Variants in SLC26A11 observed in about 807,000 individuals in gnomAD.
SLC26A11 encodes sodium-independent sulfate anion transporter.
Under a neutral mutation model 62.2 loss-of-function variants are expected in SLC26A11, and 58 were observed. The observed-to-expected ratio is 0.93, with a 90% confidence interval of 0.76 to 1.16. The LOEUF (loss-of-function observed/expected upper bound fraction) is 1.16, where lower values mean the gene tolerates loss of function less well. Ranked by LOEUF, SLC26A11 falls within the 50% of genes most tolerant of loss-of-function variation. The pLI is 0.00. For synonymous variants in SLC26A11, 411 were observed against 368.9 expected (o/e 1.11, Z -1.31); for missense variants, 790 against 794.3 (o/e 0.99, Z 0.06).
In SLC26A11 at chr17:80,222,591, C is replaced by A; in HGVS notation, c.235-64C>A. 1 of 1,526,540 alleles carries A rather than the reference C, an allele frequency of 6.6e-7. No individual in the cohort carries two copies. The highest frequency in any genetic ancestry group is 9.0e-7 in the Non-Finnish European group (1 of 1,114,576). The allele number at this position is 1,526,540 out of a possible 1,614,324, so 94.6% of individuals were successfully genotyped here. A position where few individuals can be genotyped will look rare whatever the true frequency, so the allele number is the denominator to read the frequency against. ...CCCACACATCCCGAGCTTGGACACG[C>A]ACACTAGGGAGCTGGTGGATGGGCC... On this transcript the variant is annotated intron_variant, in intron 3 of 17. Coordinates refer to ENST00000361193, the MANE Select transcript of SLC26A11 (RefSeq NM_001166347.2). This position sits in a 1 kb window ranked among gnomAD's most constrained non-coding sequence, Gnocchi z 4.7.
chr17:80,246,592 A>G lies in SLC26A11; in HGVS notation c.1237A>G (p.Met413Val), dbSNP rs756061144. The change falls in exon 13 of 18, where the codon ATG becomes GTG. Residue 413 changes from methionine to valine, a missense_variant. Coordinates refer to ENST00000361193, the MANE Select transcript of SLC26A11 (RefSeq NM_001166347.2). This position sits in a 1 kb window ranked among gnomAD's most constrained non-coding sequence, Gnocchi z 4.4. The part of the protein sequence containing the change: ...PKSALAAVII[M>V]AVAPLFDTKI... ...GTCTGCCCTGGCTGCCGTCATCATC[A>G]TGGCCGTGGCCCCGCTGTTCGACAC... The G allele has an allele frequency of 1.2e-5, 20 of 1,613,842 alleles. No homozygotes were observed. The highest frequency in any genetic ancestry group is 1.0e-4 in the Admixed American group (6 of 59,994).
chr17:80,243,944 T>G (rs1196744271), intron 10 of SLC26A11, among the ~76,000 whole-genome samples: 1 of 152,228 alleles, frequency 6.6e-6, no homozygotes, highest in Non-Finnish European at 1.5e-5. Flanking sequence ...CAGCCCAAGC[T>G]GCTGTAGAAT....
chr17:80,224,208 TGA>T (rs201281975), intron 5 of SLC26A11, among the ~76,000 whole-genome samples: 7,522 of 150,970 alleles, frequency 0.05, 237 homozygotes, highest in Non-Finnish European at 0.068. Flanking sequence ...TGTGAGTGTG[TGA>T]ATGAGTGAGT....
Position 80,246,853 on chromosome 17 carries a change from G to T in SLC26A11, c.1294+204G>T, listed in dbSNP as rs537393519. On this transcript the variant is annotated intron_variant, in intron 13 of 17. Coordinates refer to ENST00000361193, the MANE Select transcript of SLC26A11 (RefSeq NM_001166347.2). The surrounding 1 kb of genome is among the most constrained non-coding windows in gnomAD (Gnocchi z 4.4). ...TCAGTGGGAAGAGCTGGAGCTCCTT[G>T]TCCTGACACCTGGGGTCTTGAGGCG... 6.6e-6 allele frequency among the ~76,000 whole-genome samples: 1 copy of T among 152,232 alleles called. No homozygotes were observed. The highest frequency in any genetic ancestry group is 1.9e-4 in the East Asian group (1 of 5,158).
Position 80,237,047 on chromosome 17 carries a change from C to G in SLC26A11, c.856C>G (p.Pro286Ala). Residue 286 changes from proline to alanine, a missense_variant, in exon 8 of 18, where the codon CCG becomes GCG. Coordinates refer to ENST00000361193, the MANE Select transcript of SLC26A11 (RefSeq NM_001166347.2). ...TGAGGGGCTCCCTCCAGTCCGGATCCCGCCCTTCTCAGTGACCACAGCCAA... is the reference window on the plus strand; with the variant it reads ...TGAGGGGCTCCCTCCAGTCCGGATCGCGCCCTTCTCAGTGACCACAGCCAA... ...TAEGLPPVRI[P>A]PFSVTTANGT... 6.2e-7 allele frequency: 1 copy of G among 1,614,028 alleles called. No individual in the cohort carries two copies. The highest frequency in any genetic ancestry group is 1.3e-5 in the African/African-American group (1 of 75,042).
intron 16 of SLC26A11, among the ~76,000 whole-genome samples, chr17:80,250,696 G>A (rs1164284434): frequency 6.6e-6 from 1 of 151,918 alleles, no homozygotes; most frequent in Non-Finnish European, 1.5e-5. Flanking sequence ...GCATGGTGGC[G>A]CACGCCTGTA....
At chr17:80,248,388 G>T in intron 14 of SLC26A11, 131 bp downstream of exon 14, 1 of 1,365,810 alleles carries the variant, frequency 7.3e-7, no homozygotes, top group South Asian at 1.4e-5. Flanking sequence ...TGGCAGGTGG[G>T]CAGTCACCTT....
Position 80,222,378 on chromosome 17 carries a change from A to T in SLC26A11, c.235-277A>T. 1 of 293,690 alleles carries T rather than the reference A, an allele frequency of 3.4e-6. No homozygotes were observed. Among genetic ancestry groups the T allele is most frequent in the South Asian group, 9.1e-5 (1 of 10,938 alleles). The allele number at this position is 293,690 out of a possible 1,614,324, so 18.2% of individuals were successfully genotyped here. A position where few individuals can be genotyped will look rare whatever the true frequency, so the allele number is the denominator to read the frequency against. On this transcript the variant is annotated intron_variant, in intron 3 of 17. Coordinates refer to ENST00000361193, the MANE Select transcript of SLC26A11 (RefSeq NM_001166347.2). The surrounding 1 kb of genome is among the most constrained non-coding windows in gnomAD (Gnocchi z 4.7). ...GCGACAGAGCGAGACTCCATCTCAA[A>T]AAAAAAAAAAAAGAATGCTTCCTCA...
At chr17:80,247,601 G>A (rs1285927880) in intron 13 of SLC26A11, among the ~76,000 whole-genome samples, 1 of 152,228 alleles carries the variant, frequency 6.6e-6, no homozygotes, top group East Asian at 1.9e-4. Flanking sequence ...CGCATGCCAG[G>A]GCCTTTCGCG....
rs190169632 is a variant in SLC26A11 at position 80,225,101 on chromosome 17, C to T, written c.514-736C>T. 7.4e-4 allele frequency among the ~76,000 whole-genome samples: 113 copies of T among 152,068 alleles called. 1 individual carries two copies. The East Asian group carries it at 0.011, about 15-fold the overall frequency. On this transcript the variant is annotated intron_variant, in intron 5 of 17. Transcript: ENST00000361193. Reference sequence around the variant, plus strand: ...TGTGGATCCCAGCTACGTGGGAGGCCGAGGTGGGAGGATCACTGGAGCCCA... The same window carrying T: ...TGTGGATCCCAGCTACGTGGGAGGCTGAGGTGGGAGGATCACTGGAGCCCA...
intron 10 of SLC26A11, among the ~76,000 whole-genome samples, chr17:80,242,511 C>T (rs1051040060): frequency 3.3e-5 from 5 of 152,168 alleles, no homozygotes; most frequent in African/African-American, 9.6e-5. Context: ...CCGGGGGAAT[C>T]GAGAGGAGTC....
At chr17:80,248,789 G>T (rs2144982064) in intron 15 of SLC26A11, 115 bp downstream of exon 15, 1 of 1,064,314 alleles carries the variant, frequency 9.4e-7, no homozygotes, top group South Asian at 1.5e-5. Flanking sequence ...CCACAAGGAT[G>T]CAGGCATCTC....
chr17:80,240,152 G>C (rs1379766638), intron 9 of SLC26A11, among the ~76,000 whole-genome samples: 1 of 152,202 alleles, frequency 6.6e-6, no homozygotes, highest in African/African-American at 2.4e-5. Context: ...TGGATCACAA[G>C]GTCAGGAGAT....
At chr17:80,241,081 G>A (rs913085172) in intron 9 of SLC26A11, among the ~76,000 whole-genome samples, 8 of 152,124 alleles carry the variant, frequency 5.3e-5, no homozygotes, top group Admixed American at 5.2e-4. Flanking sequence ...CTCCAGCCTG[G>A]GTGGCAGAAC....
At chr17:80,250,359 C>G (rs2043124754) in intron 16 of SLC26A11, among the ~76,000 whole-genome samples, 1 of 152,180 alleles carries the variant, frequency 6.6e-6, no homozygotes, top group Non-Finnish European at 1.5e-5. Context: ...ATCTTCATCC[C>G]CATGTCCAGA....
In SLC26A11 at chr17:80,221,554, C is replaced by T. The variant is rs1333762477; in HGVS notation, c.-7C>T. On this transcript the variant is annotated 5_prime_UTR_variant, in exon 3 of 18. Transcript: ENST00000361193. ...TGTCACCTGCACCCCCCAGCCCCAC[C>T]GTAGAGATGCCTTCTTCGGTGACGG... is the stretch of plus-strand genomic sequence containing the variant. 6.3e-7 allele frequency: 1 copy of T among 1,579,634 alleles called. No individual in the cohort carries two copies. Among genetic ancestry groups the T allele is most frequent in the Admixed American group, 1.7e-5 (1 of 57,546 alleles).
Position 80,228,253 on chromosome 17 carries a change from C to T in SLC26A11, c.736+293C>T, listed in dbSNP as rs2144892846. ...GTTCATGTGATTCTCCTGCCTCAGC[C>T]TCCTGAGTAGCTGGGATTACAGGCG... On this transcript the variant is annotated intron_variant, in intron 7 of 17. Coordinates refer to ENST00000361193, the MANE Select transcript of SLC26A11 (RefSeq NM_001166347.2). This position sits in a 1 kb window ranked among gnomAD's most constrained non-coding sequence, Gnocchi z 4.1. 6.6e-6 allele frequency among the ~76,000 whole-genome samples: 1 copy of T among 152,298 alleles called. No homozygotes were observed. Among genetic ancestry groups the T allele is most frequent in the South Asian group, 2.1e-4 (1 of 4,824 alleles).
At chr17:80,239,429 G>A (rs1451509687) in intron 9 of SLC26A11, among the ~76,000 whole-genome samples, 10 of 140,840 alleles carry the variant, frequency 7.1e-5, no homozygotes, top group Admixed American at 6.6e-4. Flanking sequence ...TCGCTCTGTC[G>A]CCCAGGCTGG....
intron 9 of SLC26A11, among the ~76,000 whole-genome samples, chr17:80,239,321 C>T (rs1345886589): frequency 4.0e-5 from 6 of 151,726 alleles, no homozygotes; most frequent in East Asian, 1.9e-4. Context: ...TCAGGTAATC[C>T]GCCCACCTCA....
Sources: allele counts gnomAD v4.1 joint callset (sites outside exome capture counted in the v4.1 genomes callset), GRCh38; gene constraint gnomAD v4.1.1; non-coding constraint Gnocchi (gnomAD v3.1); transcripts MANE v1.5; gene names NCBI Gene and HGNC (gene_info 2026-07-23, HGNC 2026-07-21).